Variants in AGMO observed in about 807,000 individuals in gnomAD.
The protein encoded by AGMO is glyceryl-ether monooxygenase.
In AGMO, 75 loss-of-function variants were observed where a neutral mutation model predicts 60.2. The observed-to-expected ratio is 1.25, with a 90% CI of 1.03 to 1.51. The LOEUF (loss-of-function observed/expected upper bound fraction) is 1.51. Among genes scored for constraint, AGMO ranks in the 40% most tolerant of loss-of-function variants. The probability of loss-of-function intolerance (pLI) is 0.00; values close to 1 mark genes in which losing one functional copy is unlikely to be tolerated. For missense variants in AGMO, 763 were observed against 525.5 expected (o/e 1.45, Z -4.42); for synonymous variants, 261 against 177.1 (o/e 1.47, Z -3.76).
At chr7:15,316,194 A>G (rs1428890580) in intron 12 of AGMO, among the ~76,000 whole-genome samples, 2 of 152,156 alleles carry the variant, frequency 1.3e-5, no homozygotes, top group African/African-American at 4.8e-5. Flanking sequence ...AGTAATGGAG[A>G]GGACAGAACA....
At chr7:15,387,283 T>C in intron 9 of AGMO, 123 bp downstream of exon 9, 1 of 1,131,082 alleles carries the variant, frequency 8.8e-7, no homozygotes. Flanking sequence ...ACCACAGGAC[T>C]GCATCTGACT....
chr7:15,426,676 G>A (rs1781072490), intron 4 of AGMO, among the ~76,000 whole-genome samples: 1 of 152,112 alleles, frequency 6.6e-6, no homozygotes, highest in Admixed American at 6.6e-5. Flanking sequence ...TTGAACCCAG[G>A]AGGTGGAGGT....
chr7:15,132,372 T>C, the AGMO span, among the ~76,000 whole-genome samples: 1 of 152,144 alleles, frequency 6.6e-6, no homozygotes, highest in Non-Finnish European at 1.5e-5. Flanking sequence ...TATCAGCTAA[T>C]AGTGCTATAA....
intron 12 of AGMO, among the ~76,000 whole-genome samples, chr7:15,310,205 T>C (rs76174553): frequency 6.6e-6 from 1 of 152,288 alleles, no homozygotes; most frequent in East Asian, 1.9e-4. Flanking sequence ...TCAGTAATGT[T>C]ATTTAAACAA....
chr7:15,441,384 G>T (rs973347722), intron 3 of AGMO, among the ~76,000 whole-genome samples: 5 of 152,096 alleles, frequency 3.3e-5, no homozygotes, highest in Non-Finnish European at 7.4e-5. Flanking sequence ...TCGAATTCTG[G>T]TGCACTTTGT....
intron 12 of AGMO, among the ~76,000 whole-genome samples, chr7:15,262,494 C>G (rs765318370): frequency 6.6e-6 from 1 of 150,750 alleles, no homozygotes; most frequent in Non-Finnish European, 1.5e-5. Flanking sequence ...CAAACAAACC[C>G]CATGCTCACG....
intron 12 of AGMO, among the ~76,000 whole-genome samples, chr7:15,348,173 C>T (rs924738649): frequency 6.6e-6 from 1 of 152,004 alleles, no homozygotes. Context: ...AACAGTTTAG[C>T]ACAGTCTCAT....
At chr7:15,386,508 A>G (rs946695545) in intron 9 of AGMO, among the ~76,000 whole-genome samples, 5 of 152,208 alleles carry the variant, frequency 3.3e-5, no homozygotes, top group Non-Finnish European at 7.3e-5. Flanking sequence ...ACCTATATCA[A>G]GTTGGTGGAT....
intron 3 of AGMO, among the ~76,000 whole-genome samples, chr7:15,530,458 T>C (rs372496983): frequency 1.7e-5 from 2 of 118,506 alleles, no homozygotes; most frequent in African/African-American, 6.6e-5. Context: ...TACGTATTTC[T>C]ATATATATAT....
rs140515552 is a variant in AGMO at position 15,395,855 on chromosome 7, C to A, written c.610-1676G>T. Among the ~76,000 whole-genome samples the A allele has an allele frequency of 2.9e-3, 445 of 152,238 alleles. 1 individual carries two copies. The highest frequency in any genetic ancestry group is 9.2e-3 in the African/African-American group (383 of 41,542). On this transcript the variant is annotated intron_variant, in intron 5 of 12. Transcript: ENST00000342526. The stretch of plus-strand genomic sequence containing the variant: ...GCGTTTGTTTTTTGACAACCTCTGG[C>A]ATTAAAACACCCAATTTACAGTTGC...
At chr7:15,315,098 A>T (rs1780878125) in intron 12 of AGMO, among the ~76,000 whole-genome samples, 1 of 152,130 alleles carries the variant, frequency 6.6e-6, no homozygotes, top group African/African-American at 2.4e-5. Context: ...GCTTGGAGTG[A>T]ACCTTGATTT....
intron 3 of AGMO, among the ~76,000 whole-genome samples, chr7:15,506,226 C>A (rs984898769): frequency 1.3e-5 from 2 of 151,974 alleles, no homozygotes; most frequent in Admixed American, 1.3e-4. Flanking sequence ...TTACTCTGTG[C>A]CAGAAACTGA....
In AGMO at chr7:15,317,143, C is replaced by T. The variant is rs142677461; in HGVS notation, c.1263+48371G>A. ...TTTTCAAAGTGGTAACGTTGACTTT[C>T]AACTTCGTAAATTCTGTCATTTCAC... On this transcript the variant is annotated intron_variant, in intron 12 of 12. Coordinates refer to ENST00000342526, the MANE Select transcript of AGMO (RefSeq NM_001004320.2). 1.3e-3 allele frequency among the ~76,000 whole-genome samples: 198 copies of T among 152,166 alleles called. 1 individual carries two copies. Among genetic ancestry groups the T allele is most frequent in the Non-Finnish European group, 2.4e-3 (163 of 68,012 alleles).
chr7:15,452,917 T>C (rs984678693), intron 3 of AGMO, among the ~76,000 whole-genome samples: 24 of 152,206 alleles, frequency 1.6e-4, no homozygotes, highest in Non-Finnish European at 2.9e-4. Flanking sequence ...GTGATACATG[T>C]GCAGTGTGAA....
chr7:15,365,684 A>C (rs1348734590), intron 11 of AGMO, 65 bp from the exon 12 acceptor site: 2 of 1,077,294 alleles, frequency 1.9e-6, no homozygotes, highest in Non-Finnish European at 2.8e-6. Flanking sequence ...CACATGTTAT[A>C]ATTAATATAA....
chr7:15,169,744 T>C, the AGMO span, among the ~76,000 whole-genome samples: 1 of 152,150 alleles, frequency 6.6e-6, no homozygotes, highest in African/African-American at 2.4e-5. Flanking sequence ...CCAACTGGTG[T>C]CTTTTCTTAC....
intron 3 of AGMO, among the ~76,000 whole-genome samples, chr7:15,477,692 G>A (rs1477727901): frequency 1.3e-5 from 2 of 152,042 alleles, no homozygotes; most frequent in African/African-American, 4.8e-5. Context: ...GTTACCATTA[G>A]TTACCTCTAG....
At chr7:15,484,453 G>A (rs1782858477) in intron 3 of AGMO, among the ~76,000 whole-genome samples, 1 of 152,130 alleles carries the variant, frequency 6.6e-6, no homozygotes, top group Non-Finnish European at 1.5e-5. Flanking sequence ...GGTGTGCTGA[G>A]GAAGTTCAAG....
intron 12 of AGMO, among the ~76,000 whole-genome samples, chr7:15,338,787 C>G (rs1056576172): frequency 2.6e-5 from 4 of 152,132 alleles, no homozygotes; most frequent in African/African-American, 9.7e-5. Flanking sequence ...GAAAAGGGTG[C>G]TCTAATCTTG....
Sources: gnomAD v4.1 joint callset for allele counts (sites outside exome capture counted in the v4.1 genomes callset) on GRCh38, gnomAD v4.1.1 for gene constraint, MANE v1.5 for transcripts, NCBI Gene and HGNC (gene_info 2026-07-23, HGNC 2026-07-21) for gene names.